SREBF1: variants seen among roughly 807,000 people sequenced by gnomAD.
The protein encoded by SREBF1 is sterol regulatory element-binding protein 1.
SREBF1 carries 45 observed loss-of-function variants against 100.1 expected under a neutral mutation model. That is an observed-to-expected ratio of 0.45 (90% CI 0.35 to 0.58). SREBF1 has a LOEUF of 0.58. Ranked by LOEUF, SREBF1 falls within the 20% of genes least tolerant of loss-of-function variation. The pLI, the probability that SREBF1 is intolerant of heterozygous loss-of-function variation, is 0.00. For missense variants in SREBF1, 1,324 were observed against 1,539.4 expected (o/e 0.86, Z 2.34); for synonymous variants, 657 against 681.8 (o/e 0.96, Z 0.57).
At position 17,812,015 on chromosome 17, in the gene SREBF1, G is replaced by A; in HGVS notation, c.*607C>T. ...AGGGGAAGCCTTTCCCTAGGTGCTG[G>A]GGGAGGGCCCAAGCACTCTCACTAG... On this transcript the variant is annotated 3_prime_UTR_variant, in exon 19 of 19. Transcript: ENST00000261646. 2.3e-6 allele frequency: 1 copy of A among 440,116 alleles called. No homozygotes were observed. Among genetic ancestry groups the A allele is most frequent in the Non-Finnish European group, 4.5e-6 (1 of 222,386 alleles). 27.3% of individuals were successfully genotyped at this position (440,116 alleles called of 1,614,324 possible).
Position 17,819,043 on chromosome 17 carries a change from G to A in SREBF1, c.1038C>T (p.Leu346=). Residue 346 remains leucine (L), a synonymous_variant, in exon 5 of 19, where the codon CTC becomes CTT. Transcript: ENST00000261646. ...RSSINDKIIE[L]KDLVVGTEAK... ...CCTCAGTGCCCACCACCAGATCCTT[G>A]AGCTCAATGATTTTGTCATTGATGG... 1.9e-6 allele frequency: 3 copies of A among 1,613,774 alleles called. No individual in the cohort carries two copies. The highest frequency in any genetic ancestry group is 2.5e-6 in the Non-Finnish European group (3 of 1,180,036).
At chr17:17,829,005 C>T (rs9894257) in intron 1 of SREBF1, among the ~76,000 whole-genome samples, 89,441 of 151,012 alleles carry the variant, frequency 0.59, 27,494 homozygotes, top group African/African-American at 0.66. Flanking sequence ...CCATCCTGGC[C>T]AACATGGTGA....
In SREBF1 at chr17:17,812,337, C is replaced by CACTA; in HGVS notation, c.*281_*284dup. 1.8e-6 allele frequency: 1 copy of CACTA among 556,916 alleles called. No individual in the cohort carries two copies. Among genetic ancestry groups the CACTA allele is most frequent in the Non-Finnish European group, 3.2e-6 (1 of 313,728 alleles). 34.5% of individuals were successfully genotyped at this position (556,916 alleles called of 1,614,324 possible). On this transcript the variant is annotated 3_prime_UTR_variant, in exon 19 of 19. Coordinates refer to ENST00000261646, the MANE Select transcript of SREBF1 (RefSeq NM_004176.5). ...TCCCTGTACACAGGAGGAAAAAAGC[C>CACTA]ACTAAGGTGCCTGCAGAGCAAGGAG...
chr17:17,829,206 ATAT>A (rs568608485), intron 1 of SREBF1, among the ~76,000 whole-genome samples: 16,883 of 91,044 alleles, frequency 0.19, 1,828 homozygotes, highest in East Asian at 0.47. Context: ...AAAAAAAAAA[ATAT>A]ATATATATAT....
intron 9 of SREBF1, 59 bp downstream of exon 9, chr17:17,816,899 C>T: frequency 6.2e-7 from 1 of 1,609,216 alleles, no homozygotes; most frequent in Non-Finnish European, 8.5e-7. Flanking sequence ...GGTTGACACC[C>T]AGCACCTTCA....
At chr17:17,827,984 C>A (rs1336844841) in intron 1 of SREBF1, among the ~76,000 whole-genome samples, 1 of 152,212 alleles carries the variant, frequency 6.6e-6, no homozygotes, top group East Asian at 1.9e-4. Flanking sequence ...TATCCACCTG[C>A]CCTGCCAAAT....
intron 1 of SREBF1, among the ~76,000 whole-genome samples, chr17:17,834,095 G>C (rs1238021959): frequency 6.6e-6 from 1 of 152,110 alleles, no homozygotes; most frequent in Non-Finnish European, 1.5e-5. Flanking sequence ...CTGGGTGGTA[G>C]GTTTAAAGTT....
intron 1 of SREBF1, among the ~76,000 whole-genome samples, chr17:17,826,760 C>T (rs183217982): frequency 9.4e-4 from 143 of 152,336 alleles, no homozygotes; most frequent in South Asian, 1.5e-3. Flanking sequence ...CAGATGCAGG[C>T]GCCCTTTAAT....
Position 17,817,023 on chromosome 17 carries a change from G to T in SREBF1, c.1720C>A (p.Pro574Thr). The T allele has an allele frequency of 6.2e-7, 1 of 1,613,130 alleles. No individual in the cohort carries two copies. The highest frequency in any genetic ancestry group is 8.5e-7 in the Non-Finnish European group (1 of 1,180,034). ...LFVYGEPVTR[P>T]HSGPAVYFWR... ...AAGTACACGGCGGGGCCTGAGTGGG[G>T]CCGTGTGACTGGCTCACCGTAGACA... The change falls in exon 9 of 19, where the codon CCC becomes ACC. Residue 574 changes from proline to threonine, a missense_variant. Coordinates refer to ENST00000261646, the MANE Select transcript of SREBF1 (RefSeq NM_004176.5). This position sits in a 1 kb window ranked among gnomAD's most constrained non-coding sequence, Gnocchi z 6.6.
At chr17:17,834,017 T>C (rs540361433) in intron 1 of SREBF1, among the ~76,000 whole-genome samples, 21 of 106,976 alleles carry the variant, frequency 2.0e-4, no homozygotes, top group African/African-American at 4.1e-4. Flanking sequence ...CCCAAACACA[T>C]ATAAACACAC....
chr17:17,826,214 A>G (rs552926839), intron 1 of SREBF1, among the ~76,000 whole-genome samples: 1 of 152,344 alleles, frequency 6.6e-6, no homozygotes, highest in Non-Finnish European at 1.5e-5. Context: ...TAGAACTGGA[A>G]AGTCAGGTAG....
chr17:17,819,955 G>A (rs1487711691), intron 2 of SREBF1, 135 bp downstream of exon 2: 31 of 1,162,584 alleles, frequency 2.7e-5, no homozygotes, highest in Non-Finnish European at 3.4e-5. Flanking sequence ...TAGTAACAGG[G>A]CATCTCAAGC....
At chr17:17,813,855 C>T in intron 16 of SREBF1, 86 bp from the exon 17 acceptor site, 1 of 1,353,950 alleles carries the variant, frequency 7.4e-7, no homozygotes, top group South Asian at 1.3e-5. Flanking sequence ...GGGGCCGGCT[C>T]CGGGCTGCAC....
At chr17:17,813,253 G>A (rs540476580) in intron 18 of SREBF1, 115 bp downstream of exon 18, 58 of 1,128,356 alleles carry the variant, frequency 5.1e-5, no homozygotes, top group African/African-American at 4.1e-4. Context: ...GAGCCACTGC[G>A]CCAGGCCTGT....
intron 1 of SREBF1, among the ~76,000 whole-genome samples, chr17:17,834,753 A>G (rs1460182835): frequency 1.3e-5 from 2 of 152,152 alleles, no homozygotes; most frequent in Admixed American, 6.5e-5. Context: ...GGTGGCTCAC[A>G]CCTGTAATCC....
chr17:17,818,146 G>A (rs1449996677), intron 6 of SREBF1, 114 bp downstream of exon 6: 14 of 858,180 alleles, frequency 1.6e-5, no homozygotes, highest in Non-Finnish European at 2.4e-5. Context: ...GGTGGGCAGG[G>A]CAGAGGGTGG....
chr17:17,817,185 C>A lies in SREBF1; in HGVS notation c.1607-49G>T. On this transcript the variant is annotated intron_variant, in intron 8 of 18. Transcript: ENST00000261646. The surrounding 1 kb of genome is among the most constrained non-coding windows in gnomAD (Gnocchi z 6.6). ...GACACAGCTCCCAGGAAATCCAGAG[C>A]CCCAAGTTCACAAGCCTGGGGGCTC... 3 of 1,612,350 alleles carry A rather than the reference C, an allele frequency of 1.9e-6. No individual in the cohort carries two copies. In the Admixed American group the frequency reaches 5.0e-5, roughly 27 times the overall value.
At chr17:17,836,704 A>G (rs1299454117) in intron 1 of SREBF1, 23 bp downstream of exon 1, 1 of 1,548,214 alleles carries the variant, frequency 6.5e-7, no homozygotes, top group Non-Finnish European at 8.7e-7. Context: ...GCGCAGCTTC[A>G]AGCCCTGCCC....
intron 16 of SREBF1, 97 bp downstream of exon 16, chr17:17,814,148 C>T: frequency 1.4e-6 from 2 of 1,398,670 alleles, no homozygotes; most frequent in Admixed American, 2.0e-5. Context: ...TGGGCTAACC[C>T]CATGGTCTTC....
Sources: gnomAD v4.1 joint callset for allele counts (sites outside exome capture counted in the v4.1 genomes callset) on GRCh38, gnomAD v4.1.1 for gene constraint, Gnocchi (gnomAD v3.1) non-coding constraint, MANE v1.5 for transcripts, NCBI Gene and HGNC (gene_info 2026-07-23, HGNC 2026-07-21) for gene names.